CSMD1: variants seen among roughly 807,000 people sequenced by gnomAD.
CSMD1 encodes CUB and sushi domain-containing protein 1.
Under a neutral mutation model 417.5 loss-of-function variants are expected in CSMD1, and 213 were observed. That is an observed-to-expected ratio of 0.51 (90% CI 0.46 to 0.57). The LOEUF (loss-of-function observed/expected upper bound fraction) is 0.57. Among genes scored for constraint, CSMD1 ranks in the 20% least tolerant of loss-of-function variants. The probability of loss-of-function intolerance (pLI) is 0.00; values close to 1 mark genes in which losing one functional copy is unlikely to be tolerated. For missense variants in CSMD1, 6,923 were observed against 4,529.7 expected (o/e 1.53, Z -15.17); for synonymous variants, 2,862 against 1,736.8 (o/e 1.65, Z -16.11).
At chr8:4,210,861 C>T (rs915761517) in intron 3 of CSMD1, among the ~76,000 whole-genome samples, 1 of 152,064 alleles carries the variant, frequency 6.6e-6, no homozygotes. Flanking sequence ...TGTTTCACAG[C>T]AGTGTTGTCT....
At chr8:3,137,117 T>C (rs1444099052) in intron 41 of CSMD1, among the ~76,000 whole-genome samples, 1 of 152,128 alleles carries the variant, frequency 6.6e-6, no homozygotes, top group Non-Finnish European at 1.5e-5. Flanking sequence ...ATGTTCAATA[T>C]CCTCCTGGCT....
At chr8:4,086,935 C>A (rs1652266930) in intron 3 of CSMD1, among the ~76,000 whole-genome samples, 1 of 152,190 alleles carries the variant, frequency 6.6e-6, no homozygotes, top group Admixed American at 6.5e-5. Context: ...AACTCACTAA[C>A]CAGCTGTGTG....
At chr8:4,333,760 G>A (rs919356840) in intron 3 of CSMD1, among the ~76,000 whole-genome samples, 8 of 152,228 alleles carry the variant, frequency 5.3e-5, no homozygotes, top group East Asian at 3.9e-4. Context: ...TGCCTGCCAC[G>A]GGTAGGTAGC....
At chr8:4,880,049 G>T (rs1260869081) in intron 1 of CSMD1, among the ~76,000 whole-genome samples, 1 of 152,046 alleles carries the variant, frequency 6.6e-6, no homozygotes, top group Non-Finnish European at 1.5e-5. Flanking sequence ...GGCTTTAAAA[G>T]TAATCTCCTA....
intron 11 of CSMD1, among the ~76,000 whole-genome samples, chr8:3,471,070 T>C (rs1486876078): frequency 3.9e-5 from 6 of 152,194 alleles, no homozygotes; most frequent in South Asian, 2.1e-4. Context: ...TGAAATCATG[T>C]TGAGTATTTA....
intron 3 of CSMD1, among the ~76,000 whole-genome samples, chr8:4,353,372 G>A (rs1279392286): frequency 6.6e-6 from 1 of 152,014 alleles, no homozygotes; most frequent in Admixed American, 6.6e-5. Flanking sequence ...TGATTGTGAG[G>A]CCTCCCCAGC....
intron 1 of CSMD1, among the ~76,000 whole-genome samples, chr8:4,943,272 G>T (rs934551417): frequency 6.6e-6 from 1 of 152,104 alleles, no homozygotes; most frequent in African/African-American, 2.4e-5. Context: ...CAGGCGGGCA[G>T]ATCACGAGGT....
intron 12 of CSMD1, among the ~76,000 whole-genome samples, chr8:3,430,598 G>A (rs531835974): frequency 2.0e-5 from 3 of 152,230 alleles, no homozygotes; most frequent in African/African-American, 7.2e-5. Context: ...TTTGAGGTCA[G>A]GAGTTTGAGA....
At chr8:3,392,503 G>A (rs1285489900) in intron 17 of CSMD1, among the ~76,000 whole-genome samples, 3 of 151,860 alleles carry the variant, frequency 2.0e-5, no homozygotes, top group African/African-American at 7.3e-5. Context: ...TGCTTTTCTC[G>A]CTGGACTCAT....
intron 3 of CSMD1, among the ~76,000 whole-genome samples, chr8:4,065,700 C>G (rs1473325058): frequency 1.3e-5 from 2 of 152,198 alleles, no homozygotes; most frequent in Non-Finnish European, 2.9e-5. Flanking sequence ...AGGAACACCA[C>G]ATGTATCTGT....
At chr8:3,528,721 G>A (rs971166699) in intron 10 of CSMD1, among the ~76,000 whole-genome samples, 5 of 152,184 alleles carry the variant, frequency 3.3e-5, no homozygotes, top group Non-Finnish European at 7.3e-5. Context: ...AAGCTTGAGG[G>A]ATTGGAATAG....
chr8:4,617,756 A>T (rs73659177), intron 2 of CSMD1, among the ~76,000 whole-genome samples: 15,606 of 152,030 alleles, frequency 0.1, 1,553 homozygotes, highest in African/African-American at 0.25. Context: ...CCTATTTGGC[A>T]TTCCTCATTA....
intron 3 of CSMD1, among the ~76,000 whole-genome samples, chr8:4,299,132 C>G (rs188147709): frequency 2.6e-5 from 4 of 152,182 alleles, no homozygotes; most frequent in Non-Finnish European, 4.4e-5. Flanking sequence ...ATTAAAAGAT[C>G]TTGCCAAAAC....
intron 11 of CSMD1, among the ~76,000 whole-genome samples, chr8:3,483,720 T>A (rs1817870040): frequency 6.6e-6 from 1 of 152,152 alleles, no homozygotes; most frequent in African/African-American, 2.4e-5. Flanking sequence ...CTTTTATGAA[T>A]GTAGTTGCAA....
intron 10 of CSMD1, among the ~76,000 whole-genome samples, chr8:3,564,667 G>C (rs975503198): frequency 3.3e-5 from 5 of 152,010 alleles, no homozygotes; most frequent in Admixed American, 6.6e-5. Context: ...AAGAACTGAG[G>C]TGTTATAAGA....
intron 5 of CSMD1, among the ~76,000 whole-genome samples, chr8:3,782,852 C>T (rs1029066605): frequency 6.6e-6 from 1 of 151,920 alleles, no homozygotes; most frequent in Non-Finnish European, 1.5e-5. Context: ...ACTTTCTTGC[C>T]CTAGCTCGCC....
At chr8:3,608,805 G>A (rs560624787) in intron 8 of CSMD1, among the ~76,000 whole-genome samples, 6 of 151,084 alleles carry the variant, frequency 4.0e-5, no homozygotes, top group African/African-American at 7.3e-5. Flanking sequence ...TGTGCATCAC[G>A]GCCAATGCTA....
chr8:3,566,051 C>A (rs747973088), intron 10 of CSMD1, among the ~76,000 whole-genome samples: 1 of 152,046 alleles, frequency 6.6e-6, no homozygotes, highest in Non-Finnish European at 1.5e-5. Flanking sequence ...TCATACGGGA[C>A]CCTGTTTATA....
intron 49 of CSMD1, among the ~76,000 whole-genome samples, chr8:3,058,328 G>C (rs1812371445): frequency 6.6e-6 from 1 of 152,118 alleles, no homozygotes; most frequent in African/African-American, 2.4e-5. Context: ...CAACAGATCT[G>C]TGCATTCTGA....
Sources: gnomAD v4.1 joint callset for allele counts (sites outside exome capture counted in the v4.1 genomes callset) on GRCh38, gnomAD v4.1.1 for gene constraint, MANE v1.5 for transcripts, NCBI Gene and HGNC (gene_info 2026-07-23, HGNC 2026-07-21) for gene names.